ARL15: variants seen among roughly 807,000 people sequenced by gnomAD.
ARL15 encodes the protein ARF like GTPase 15, also known as ADP-ribosylation factor-like protein 15.
In ARL15, 19 loss-of-function variants were observed where a neutral mutation model predicts 25.2. The observed-to-expected ratio is 0.75, with a 90% CI of 0.53 to 1.10. The LOEUF (loss-of-function observed/expected upper bound fraction) is 1.10. ARL15 is among the 50% of genes least tolerant of loss of function. The pLI, the probability that ARL15 is intolerant of heterozygous loss-of-function variation, is 0.00. For missense variants in ARL15, 220 were observed against 246.0 expected, an observed-to-expected ratio of 0.89 and a Z score of 0.71; for synonymous variants, 94 against 86.8, an observed-to-expected ratio of 1.08 and a Z score of -0.46.
rs549050017 is a variant in ARL15, at chr5:53,934,418, C to T, written c.463-47705G>A. Among the ~76,000 whole-genome samples, 3 of 115,656 alleles carry T rather than the reference C, an allele frequency of 2.6e-5. No homozygotes were observed. The South Asian group carries it at 9.6e-4, about 37-fold the overall frequency. The allele number at this position is 115,656 out of a possible 152,430, so 75.9% of individuals were successfully genotyped here. ...TGTTTAACTGAAATTCTAGGGAGGA[C>T]AGCATATAAATTGAGAAAAAAAAAA... On this transcript the variant is annotated intron_variant, in intron 4 of 4. Coordinates refer to ENST00000504924, the MANE Select transcript of ARL15 (RefSeq NM_019087.3).
chr5:54,274,322 T>C (rs1351669006), intron 1 of ARL15, among the ~76,000 whole-genome samples: 1 of 152,194 alleles, frequency 6.6e-6, no homozygotes, highest in African/African-American at 2.4e-5. Flanking sequence ...GGATACATTC[T>C]GCATTCCCCA....
rs1020904939 is a variant in ARL15 at position 54,200,072 on chromosome 5, C to T, written c.49-28144G>A. ...AAAAACCAAACACCGCATGTTCTCACTCATAGGTGGGAATTGAACAATGAG... is the reference window on the plus strand; with the variant it reads ...AAAAACCAAACACCGCATGTTCTCATTCATAGGTGGGAATTGAACAATGAG... On this transcript the variant is annotated intron_variant, in intron 1 of 4. Transcript: ENST00000504924. Among the ~76,000 whole-genome samples the T allele has an allele frequency of 1.9e-4, 27 of 145,844 alleles. No homozygotes were observed. The Middle Eastern group carries it at 0.011, about 59-fold the overall frequency.
rs188253652 is a variant in ARL15 at position 54,054,925 on chromosome 5, A to C, written c.462+58277T>G. Among the ~76,000 whole-genome samples the C allele has an allele frequency of 3.5e-4, 54 of 152,190 alleles. 1 individual carries two copies. The highest frequency in any genetic ancestry group is 3.3e-3 in the Admixed American group (51 of 15,270). Reference sequence around the variant, plus strand: ...ATTTCCAGTCACACCAAACTTCTCCATGCGACCTAAACATTCCACACTCTT... The same window carrying C: ...ATTTCCAGTCACACCAAACTTCTCCCTGCGACCTAAACATTCCACACTCTT... On this transcript the variant is annotated intron_variant, in intron 4 of 4. Transcript: ENST00000504924.
chr5:54,061,883 C>G (rs562327028), intron 4 of ARL15, among the ~76,000 whole-genome samples: 3 of 152,126 alleles, frequency 2.0e-5, no homozygotes, highest in Non-Finnish European at 4.4e-5. Flanking sequence ...ACCTTGCACC[C>G]GGATAAGCCA....
At chr5:54,257,462 T>C (rs1399997087) in intron 1 of ARL15, among the ~76,000 whole-genome samples, 2 of 152,152 alleles carry the variant, frequency 1.3e-5, no homozygotes, top group African/African-American at 4.8e-5. Context: ...CCTGAGCTGC[T>C]AAGATAAACT....
intron 3 of ARL15, among the ~76,000 whole-genome samples, chr5:54,144,069 C>T (rs147720230): frequency 6.6e-6 from 1 of 151,700 alleles, no homozygotes; most frequent in Non-Finnish European, 1.5e-5. Context: ...TTTATGTGTG[C>T]ATGCATGTGT....
chr5:54,310,344 G>A, intron 1 of ARL15, 88 bp downstream of exon 1: 2 of 1,451,660 alleles, frequency 1.4e-6, no homozygotes. Flanking sequence ...CCCAAAGAAA[G>A]AAAGCAAAAA....
chr5:54,174,337 G>A (rs1356765720), intron 1 of ARL15, among the ~76,000 whole-genome samples: 3 of 152,106 alleles, frequency 2.0e-5, no homozygotes, highest in Non-Finnish European at 4.4e-5. Flanking sequence ...TTTTCACTTC[G>A]CTTCAATGCC....
At chr5:54,078,755 A>G (rs1751694449) in intron 4 of ARL15, among the ~76,000 whole-genome samples, 1 of 152,212 alleles carries the variant, frequency 6.6e-6, no homozygotes, top group Admixed American at 6.5e-5. Flanking sequence ...TAGATGCAAA[A>G]TATTAAATCA....
intron 1 of ARL15, among the ~76,000 whole-genome samples, chr5:54,240,193 C>T (rs1338471277): frequency 6.7e-6 from 1 of 149,666 alleles, no homozygotes. Flanking sequence ...CGCCACTGCA[C>T]TCTAGCCTGG....
chr5:54,139,945 G>T (rs1753721629), intron 3 of ARL15, among the ~76,000 whole-genome samples: 1 of 152,138 alleles, frequency 6.6e-6, no homozygotes, highest in Non-Finnish European at 1.5e-5. Flanking sequence ...ACTCATTTTG[G>T]ATCTTAACCA....
intron 4 of ARL15, among the ~76,000 whole-genome samples, chr5:53,960,247 ATTT>A (rs1747317595): frequency 6.6e-6 from 1 of 152,222 alleles, no homozygotes; most frequent in Non-Finnish European, 1.5e-5. Flanking sequence ...AGAGATAAAC[ATTT>A]CCTGGTGCAT....
chr5:54,047,133 G>A (rs148912757), intron 4 of ARL15, among the ~76,000 whole-genome samples: 1 of 152,264 alleles, frequency 6.6e-6, no homozygotes, highest in Non-Finnish European at 1.5e-5. Flanking sequence ...GCTCTTGCTG[G>A]TGGGGACATG....
intron 1 of ARL15, chr5:54,282,631 G>T: frequency 2.2e-6 from 2 of 893,232 alleles, no homozygotes; most frequent in Non-Finnish European, 2.7e-6. Flanking sequence ...TTCAAATCTT[G>T]CTCTAATATC....
intron 4 of ARL15, among the ~76,000 whole-genome samples, chr5:53,924,614 C>A (rs943821056): frequency 4.6e-5 from 7 of 152,188 alleles, no homozygotes; most frequent in Non-Finnish European, 8.8e-5. Flanking sequence ...AATTCTCTTT[C>A]TACTCAGTGC....
Position 54,116,719 on chromosome 5 carries a change from G to C in ARL15, c.254-3309C>G, listed in dbSNP as rs77641500. ...TATATTAAATCACTTACCCATGACA[G>C]TCTAATGACTATCATGAGGTAAATA... On this transcript the variant is annotated intron_variant, in intron 3 of 4. Transcript: ENST00000504924. Among the ~76,000 whole-genome samples, 85 of 152,232 alleles carry C rather than the reference G, an allele frequency of 5.6e-4. 3 individuals are homozygous for C. In the East Asian group the frequency reaches 0.016, roughly 28 times the overall value.
chr5:54,140,994 T>C (rs1753761974), intron 3 of ARL15, among the ~76,000 whole-genome samples: 1 of 152,162 alleles, frequency 6.6e-6, no homozygotes, highest in African/African-American at 2.4e-5. Flanking sequence ...CTTTGCCAAA[T>C]GCAGAATCAC....
chr5:54,264,607 C>T (rs1757576710), intron 1 of ARL15, among the ~76,000 whole-genome samples: 1 of 152,132 alleles, frequency 6.6e-6, no homozygotes, highest in Admixed American at 6.5e-5. Context: ...CTCAGTCACT[C>T]ACCCTACTCT....
At chr5:54,271,340 CCA>C (rs1250712068) in intron 1 of ARL15, among the ~76,000 whole-genome samples, 2 of 152,290 alleles carry the variant, frequency 1.3e-5, no homozygotes, top group South Asian at 2.1e-4. Context: ...GTATCAAAAT[CCA>C]CAGATTCTCA....
Sources: allele counts gnomAD v4.1 joint callset (sites outside exome capture counted in the v4.1 genomes callset), GRCh38; gene constraint gnomAD v4.1.1; transcripts MANE v1.5; gene names NCBI Gene and HGNC (gene_info 2026-07-23, HGNC 2026-07-21).